The following SPG11 variants were observed in gnomAD, a reference collection of about 807,000 sequenced individuals.
SPG11 encodes spatacsin.
SPG11 carries 222 observed loss-of-function variants against 274.0 expected under a neutral mutation model. The ratio of observed to expected loss-of-function variants is 0.81; its 90% CI spans 0.73 to 0.91. SPG11 has a LOEUF of 0.91. Ranked by LOEUF, SPG11 falls within the 40% of genes least tolerant of loss-of-function variation. The pLI is 0.00. For missense variants in SPG11, 3,114 were observed against 2,872.7 expected, an observed-to-expected ratio of 1.08 and a Z score of -1.92; for synonymous variants, 1,144 against 1,039.7, an observed-to-expected ratio of 1.10 and a Z score of -1.93.
At position 44,613,437 on chromosome 15, in the gene SPG11, G is replaced by A. The variant is rs2083512162; in HGVS notation, c.3138C>T (p.Asn1046=). Residue 1046 remains asparagine (N), a synonymous_variant, in exon 17 of 40, where the codon AAC becomes AAT. Transcript: ENST00000261866. ...FLVQCRQVAS[N]LTDPKLIFQA... ...AATACAGTATACCCATACCTGTTAA[G>A]TTACTGGCAACTTGTCGACACTGAA... 1.2e-6 allele frequency: 2 copies of A among 1,610,886 alleles called. No homozygotes were observed. The highest frequency in any genetic ancestry group is 1.7e-6 in the Non-Finnish European group (2 of 1,177,124).
chr15:44,653,817 C>A (rs575043455), intron 4 of SPG11, among the ~76,000 whole-genome samples: 1 of 152,160 alleles, frequency 6.6e-6, no homozygotes, highest in African/African-American at 2.4e-5. Context: ...AAACCCTATA[C>A]ATACAGTTGA....
chr15:44,639,139 A>G (rs962499786), intron 7 of SPG11, among the ~76,000 whole-genome samples: 7 of 152,166 alleles, frequency 4.6e-5, no homozygotes, highest in East Asian at 1.9e-4. Flanking sequence ...GATTATTCAT[A>G]TGATTATCTC....
intron 14 of SPG11, chr15:44,620,744 G>C: frequency 4.9e-6 from 1 of 206,114 alleles, no homozygotes; most frequent in Admixed American, 5.4e-5. Flanking sequence ...TGTAGCCCAG[G>C]CTGGAGTGCA....
intron 14 of SPG11, chr15:44,621,504 A>C (rs941994423): frequency 2.2e-6 from 1 of 452,836 alleles, no homozygotes; most frequent in African/African-American, 2.0e-5. Flanking sequence ...ACAGATTGTC[A>C]CTTTGAAGCT....
intron 7 of SPG11, among the ~76,000 whole-genome samples, chr15:44,645,772 A>G (rs779002711): frequency 6.6e-6 from 1 of 152,194 alleles, no homozygotes; most frequent in Non-Finnish European, 1.5e-5. Context: ...TAACAAGCAA[A>G]AAACAACCCC....
rs2141011065 is a variant in SPG11, at chr15:44,613,483, T to C, written c.3092A>G (p.His1031Arg). 3.1e-6 allele frequency: 5 copies of C among 1,614,028 alleles called. No homozygotes were observed. The highest frequency in any genetic ancestry group is 4.2e-6 in the Non-Finnish European group (5 of 1,179,932). ...CTGAACTAAAAATTCAAACCAAGGG[T>C]GTGCTTCATGTAACTCTTTTTTTTC... is the stretch of plus-strand genomic sequence containing the variant. ...FLEKKELHEAHPWFEFLVQCR... is the reference protein window; with the variant it reads ...FLEKKELHEARPWFEFLVQCR... The change falls in exon 17 of 40, where the codon CAC (histidine) becomes CGC (arginine). Residue 1031 changes from histidine to arginine, a missense_variant. Physicochemically the swap from His to Arg is conservative, Grantham distance 29 (BLOSUM62 0). Coordinates refer to ENST00000261866, the MANE Select transcript of SPG11 (RefSeq NM_025137.4).
intron 6 of SPG11, among the ~76,000 whole-genome samples, chr15:44,650,270 G>A (rs766689133): frequency 1.1e-4 from 17 of 152,248 alleles, no homozygotes; most frequent in Admixed American, 7.8e-4. Flanking sequence ...TGTAATCCTA[G>A]CACTTTGGGA....
chr15:44,653,871 G>A (rs776657194), intron 4 of SPG11, among the ~76,000 whole-genome samples: 1 of 152,068 alleles, frequency 6.6e-6, no homozygotes, highest in Admixed American at 6.5e-5. Flanking sequence ...CCACTTATAT[G>A]ATTTTTTTTT....
chr15:44,608,741 G>C (rs891852954), intron 18 of SPG11, 136 bp from the exon 19 acceptor site: 2 of 781,486 alleles, frequency 2.6e-6, no homozygotes, highest in Non-Finnish European at 4.0e-6. Context: ...TAGACAAGTA[G>C]TCATAAGTTA....
At chr15:44,622,002 G>T in intron 13 of SPG11, 68 bp from the exon 14 acceptor site, 1 of 1,295,418 alleles carries the variant, frequency 7.7e-7, no homozygotes, top group Non-Finnish European at 1.1e-6. Context: ...CTTTTTATCT[G>T]CTCAAGAACA....
intron 3 of SPG11, among the ~76,000 whole-genome samples, chr15:44,657,865 A>G (rs2084984984): frequency 6.6e-6 from 1 of 152,222 alleles, no homozygotes; most frequent in Admixed American, 6.5e-5. Context: ...TTTTAAATCT[A>G]AAGTAACAAA....
chr15:44,608,438 C>T lies in SPG11; in HGVS notation c.3453+6G>A. Reference sequence around the variant, plus strand: ...GACCTAAATATTGGCCACCTAAATACTGTACCTGAATAAGGTGGTAGATTG... The same window carrying T: ...GACCTAAATATTGGCCACCTAAATATTGTACCTGAATAAGGTGGTAGATTG... On this transcript the variant is annotated splice_donor_region_variant and intron_variant, in intron 19 of 39. Coordinates refer to ENST00000261866, the MANE Select transcript of SPG11 (RefSeq NM_025137.4). 1 of 1,613,938 alleles carries T rather than the reference C, an allele frequency of 6.2e-7. No homozygotes were observed. The highest frequency in any genetic ancestry group is 1.7e-5 in the Admixed American group (1 of 60,004).
At chr15:44,620,557 T>G (rs907740083) in intron 14 of SPG11, 154 bp from the exon 15 acceptor site, 3 of 643,520 alleles carry the variant, frequency 4.7e-6, no homozygotes, top group African/African-American at 4.5e-5. Context: ...TTTTCCTTTT[T>G]TTGAGACAGG....
intron 22 of SPG11, 123 bp from the exon 23 acceptor site, chr15:44,598,496 CAAAG>C (rs2083101050): frequency 8.0e-7 from 1 of 1,242,998 alleles, no homozygotes; most frequent in Non-Finnish European, 1.2e-6. Flanking sequence ...GAAAGTGAGA[CAAAG>C]AACACACACT....
In SPG11 at chr15:44,584,266, C is replaced by T. The variant is rs775768037; in HGVS notation, c.5414G>A (p.Arg1805His). ...EELEKQIWLC[R>H]ITQHTLGRNQ... ...TCTTCCAAGAGTGTGCTGGGTGATG[C>T]GGCACAGCCAGATCTGCTTCTCCAG... Residue 1805 changes from arginine (R) to histidine (H), a missense_variant, in exon 30 of 40, where the codon CGC (arginine) becomes CAC (histidine). Arg to His is a conservative substitution (Grantham distance 29). Coordinates refer to ENST00000261866, the MANE Select transcript of SPG11 (RefSeq NM_025137.4). The T allele has an allele frequency of 1.2e-5, 20 of 1,613,722 alleles. No individual in the cohort carries two copies. Among genetic ancestry groups the T allele is most frequent in the African/African-American group, 5.3e-5 (4 of 74,854 alleles).
In SPG11 at chr15:44,620,355, C is replaced by T. The variant is rs376143651; in HGVS notation, c.2669G>A (p.Arg890His). 3.2e-5 allele frequency: 51 copies of T among 1,613,752 alleles called. No individual in the cohort carries two copies. The highest frequency in any genetic ancestry group is 1.6e-4 in the South Asian group (15 of 91,074). The change falls in exon 15 of 40, where the codon CGC becomes CAC. Residue 890 changes from arginine (R) to histidine (H), a missense_variant. By Grantham distance (29) the Arg-to-His change is conservative. Transcript: ENST00000261866. The part of the protein sequence containing the change: ...PEALWRYLTA[R>H]HDWLNIILWI... ...TAAGATAATGTTTAACCAATCATGG[C>T]GAGCTGTGAGGTATCTCCAGAGGGC... is the stretch of plus-strand genomic sequence containing the variant.
chr15:44,574,875 A>AGAG, intron 31 of SPG11, 27 bp downstream of exon 31: 1 of 1,613,274 alleles, frequency 6.2e-7, no homozygotes, highest in Non-Finnish European at 8.5e-7. Context: ...CCTCTCAGAA[A>AGAG]GAGGAGCCCC....
chr15:44,637,320 C>T (rs938364041), intron 7 of SPG11, among the ~76,000 whole-genome samples: 1 of 151,980 alleles, frequency 6.6e-6, no homozygotes, highest in Admixed American at 6.6e-5. Flanking sequence ...TTTGTTTTCC[C>T]TTTTTTCTTT....
Position 44,659,229 on chromosome 15 carries a change from T to A in SPG11, c.517A>T (p.Ile173Phe). 1 of 1,614,174 alleles carries A rather than the reference T, an allele frequency of 6.2e-7. No homozygotes were observed. Residue 173 changes from isoleucine (I) to phenylalanine (F), a missense_variant, in exon 3 of 40, where the codon ATC becomes TTC. Transcript: ENST00000261866. ...CTTTCAGGAAATATAATATGTAGGATGACACATTTGTTGATGAACAGTAAT... is the reference window on the plus strand; with the variant it reads ...CTTTCAGGAAATATAATATGTAGGAAGACACATTTGTTGATGAACAGTAAT... ...TSLLFINKCV[I>F]LHIIFPERDA... is the part of the protein sequence containing the mutation.
Sources: allele counts gnomAD v4.1 joint callset (sites outside exome capture counted in the v4.1 genomes callset), GRCh38; gene constraint gnomAD v4.1.1; transcripts MANE v1.5; gene names NCBI Gene and HGNC (gene_info 2026-07-23, HGNC 2026-07-21).